The following NBEA variants were observed in gnomAD, a reference collection of about 807,000 sequenced individuals.
NBEA encodes lysosomal-trafficking regulator 2.
A neutral mutation model predicts 343.4 loss-of-function variants in NBEA; 44 were observed. That is an observed-to-expected ratio of 0.13 (90% CI 0.10 to 0.16). The LOEUF (loss-of-function observed/expected upper bound fraction) is 0.16, where lower values mean the gene tolerates loss of function less well. Among genes scored for constraint, NBEA ranks in the 10% least tolerant of loss-of-function variants. The probability of loss-of-function intolerance (pLI) is 1.00; values close to 1 mark genes in which losing one functional copy is unlikely to be tolerated. For missense variants in NBEA, 2,555 were observed against 3,631.3 expected (o/e 0.70, Z 7.62); for synonymous variants, 1,175 against 1,238.7 (o/e 0.95, Z 1.08).
At position 35,037,480 on chromosome 13, in the gene NBEA, C is replaced by G. The variant is rs529561960; in HGVS notation, c.295-3453C>G. Reference sequence around the variant, plus strand: ...TAGTAGATGTTCCTCGGTGCCTGGGCATTGAAGAGTTAGGTATTTATTGTA... The same window carrying G: ...TAGTAGATGTTCCTCGGTGCCTGGGGATTGAAGAGTTAGGTATTTATTGTA... On this transcript the variant is annotated intron_variant, in intron 1 of 58. Transcript: ENST00000379939. 1.3e-3 allele frequency among the ~76,000 whole-genome samples: 199 copies of G among 152,222 alleles called. 1 individual carries two copies. The highest frequency in any genetic ancestry group is 4.5e-3 in the African/African-American group (188 of 41,558).
intron 38 of NBEA, among the ~76,000 whole-genome samples, chr13:35,369,312 G>A (rs1245862144): frequency 6.6e-6 from 1 of 151,552 alleles, no homozygotes; most frequent in Non-Finnish European, 1.5e-5. Flanking sequence ...TTTGAAGTTA[G>A]GTAGTGTGAT....
At chr13:35,381,893 A>G (rs567806512) in intron 38 of NBEA, among the ~76,000 whole-genome samples, 1 of 152,290 alleles carries the variant, frequency 6.6e-6, no homozygotes, top group East Asian at 1.9e-4. Context: ...ACTCATAAAA[A>G]TAATTTGTTT....
intron 41 of NBEA, among the ~76,000 whole-genome samples, chr13:35,515,898 A>G (rs979206981): frequency 2.0e-5 from 3 of 152,184 alleles, no homozygotes; most frequent in African/African-American, 4.8e-5. Context: ...TCCAAAGCAC[A>G]TATTATATCA....
rs565516274 is a variant in NBEA, at chr13:35,428,705, C to T, written c.6180-3564C>T. ...GGCTCTTTTAAATTCTCTGCCATTTCGATGTTGGCATTTTAGGGTGATCTT... is the reference window on the plus strand; with the variant it reads ...GGCTCTTTTAAATTCTCTGCCATTTTGATGTTGGCATTTTAGGGTGATCTT... On this transcript the variant is annotated intron_variant, in intron 38 of 58. Transcript: ENST00000379939. 5.3e-4 allele frequency among the ~76,000 whole-genome samples: 81 copies of T among 152,040 alleles called. No individual in the cohort carries two copies. In the South Asian group the frequency reaches 8.3e-3, roughly 16 times the overall value.
intron 6 of NBEA, among the ~76,000 whole-genome samples, chr13:35,050,915 A>G (rs1330725688): frequency 2.0e-5 from 3 of 151,950 alleles, no homozygotes. Context: ...GGCTCATGAA[A>G]TGTATCTTTA....
intron 1 of NBEA, among the ~76,000 whole-genome samples, chr13:34,977,586 G>C (rs1325678626): frequency 6.6e-6 from 1 of 152,180 alleles, no homozygotes. Flanking sequence ...TGGGATTGCA[G>C]GTGTGAGCCA....
At chr13:35,403,668 G>A (rs1208438764) in intron 38 of NBEA, among the ~76,000 whole-genome samples, 1 of 151,906 alleles carries the variant, frequency 6.6e-6, no homozygotes, top group African/African-American at 2.4e-5. Flanking sequence ...GAAAACCTAG[G>A]CATTACCATT....
intron 44 of NBEA, among the ~76,000 whole-genome samples, chr13:35,566,540 G>A (rs1342723373): frequency 6.6e-6 from 1 of 152,146 alleles, no homozygotes; most frequent in Non-Finnish European, 1.5e-5. Flanking sequence ...CACACATGCA[G>A]GAAGTTTCAG....
chr13:35,116,541 G>A (rs1315610806), intron 13 of NBEA, among the ~76,000 whole-genome samples: 5 of 151,784 alleles, frequency 3.3e-5, no homozygotes, highest in African/African-American at 4.8e-5. Context: ...TATAATAGGC[G>A]GGATGGATTT....
chr13:35,310,512 A>G (rs2037289444), intron 36 of NBEA, among the ~76,000 whole-genome samples: 1 of 152,218 alleles, frequency 6.6e-6, no homozygotes, highest in Non-Finnish European at 1.5e-5. Flanking sequence ...AAGGTTGTAT[A>G]TTCTATTATT....
chr13:34,950,793 A>G lies in NBEA; in HGVS notation c.294+7679A>G, dbSNP rs1260338744. The stretch of plus-strand genomic sequence containing the variant: ...CAGATAACATGAAAAGGAAGTGATT[A>G]AAAAGAAATGACCAGCTGGTCATGG... On this transcript the variant is annotated intron_variant, in intron 1 of 58. Transcript: ENST00000379939. Among the ~76,000 whole-genome samples the G allele has an allele frequency of 2.0e-5, 3 of 152,272 alleles. 1 individual carries two copies. The highest frequency in any genetic ancestry group is 4.8e-5 in the African/African-American group (2 of 41,570).
intron 34 of NBEA, among the ~76,000 whole-genome samples, chr13:35,281,935 C>T (rs150865317): frequency 7.2e-5 from 11 of 151,904 alleles, no homozygotes; most frequent in East Asian, 1.9e-4. Flanking sequence ...TATTTTGAGA[C>T]GGAGTCTTAC....
At chr13:35,619,370 A>T (rs1322413307) in intron 48 of NBEA, among the ~76,000 whole-genome samples, 1 of 152,016 alleles carries the variant, frequency 6.6e-6, no homozygotes, top group African/African-American at 2.4e-5. Context: ...GGACTTACCT[A>T]TCGGGGAAAG....
chr13:34,981,380 A>G (rs1276081774), intron 1 of NBEA, among the ~76,000 whole-genome samples: 2 of 152,230 alleles, frequency 1.3e-5, no homozygotes, highest in Non-Finnish European at 2.9e-5. Context: ...ATATGGATAT[A>G]TATTTTCATA....
At chr13:35,658,418 C>T (rs1347335133) in intron 55 of NBEA, among the ~76,000 whole-genome samples, 3 of 152,150 alleles carry the variant, frequency 2.0e-5, no homozygotes, top group African/African-American at 7.2e-5. Context: ...CTAGAATAAA[C>T]AAGATAAGCA....
intron 35 of NBEA, among the ~76,000 whole-genome samples, chr13:35,306,431 G>A (rs1009644821): frequency 1.3e-5 from 2 of 150,886 alleles, no homozygotes; most frequent in Admixed American, 6.6e-5. Context: ...CTGTCTTTTT[G>A]GTTGTACCTC....
chr13:35,573,492 T>A (rs1984281), intron 45 of NBEA, among the ~76,000 whole-genome samples: 10,429 of 152,246 alleles, frequency 0.069, 414 homozygotes, highest in African/African-American at 0.091. Context: ...TTGTGTTTGT[T>A]TGTTTATATC....
chr13:35,504,646 C>T (rs9544479), intron 41 of NBEA, among the ~76,000 whole-genome samples: 96,572 of 151,704 alleles, frequency 0.64, 30,889 homozygotes, highest in Admixed American at 0.7. Flanking sequence ...TTTTTTTCCT[C>T]TTTTGATACA....
intron 1 of NBEA, among the ~76,000 whole-genome samples, chr13:34,945,712 A>G (rs1439965752): frequency 6.6e-6 from 1 of 152,142 alleles, no homozygotes; most frequent in Non-Finnish European, 1.5e-5. Context: ...ACCTTAAACA[A>G]TACCTTTGTC....
Sources: gnomAD v4.1 joint callset for allele counts (sites outside exome capture counted in the v4.1 genomes callset) on GRCh38, gnomAD v4.1.1 for gene constraint, MANE v1.5 for transcripts, NCBI Gene and HGNC (gene_info 2026-07-23, HGNC 2026-07-21) for gene names.